TSPEAR: variants seen among roughly 807,000 people sequenced by gnomAD.
TSPEAR encodes the protein thrombospondin-type laminin G domain and EAR repeat-containing protein.
Under a neutral mutation model 71.6 loss-of-function variants are expected in TSPEAR, and 69 were observed. The observed-to-expected ratio is 0.96, with a 90% CI of 0.79 to 1.18. TSPEAR has a LOEUF of 1.18. Ranked by LOEUF, TSPEAR falls within the 50% of genes most tolerant of loss-of-function variation. The pLI, the probability that TSPEAR is intolerant of heterozygous loss-of-function variation, is 0.00. For missense variants in TSPEAR, 971 were observed against 894.9 expected, an observed-to-expected ratio of 1.09 and a Z score of -1.09; for synonymous variants, 402 against 387.2, an observed-to-expected ratio of 1.04 and a Z score of -0.45.
chr21:44,625,646 C>A (rs60859607), intron 1 of TSPEAR, among the ~76,000 whole-genome samples: 12 of 152,106 alleles, frequency 7.9e-5, no homozygotes, highest in African/African-American at 2.9e-4. Context: ...CCGCGGGGAG[C>A]GGCATGGCCT....
At chr21:44,508,379 C>T (rs370757449) in intron 10 of TSPEAR, 10 of 658,000 alleles carry the variant, frequency 1.5e-5, no homozygotes, top group East Asian at 1.1e-4. Context: ...GAATTGTTAC[C>T]GAATGAAATA....
intron 2 of TSPEAR, among the ~76,000 whole-genome samples, chr21:44,561,940 T>C (rs2053640274): frequency 1.3e-5 from 2 of 152,188 alleles, no homozygotes; most frequent in Non-Finnish European, 2.9e-5. Flanking sequence ...ATACCCTCTC[T>C]CATCACTCCT....
chr21:44,551,539 T>A (rs1400831901), intron 2 of TSPEAR: 4 of 1,528,590 alleles, frequency 2.6e-6, no homozygotes, highest in East Asian at 4.5e-5. Context: ...AGTGTGTGTG[T>A]GAGCCTGTTG....
At chr21:44,576,311 G>T (rs1251276791) in intron 1 of TSPEAR, among the ~76,000 whole-genome samples, 1 of 146,606 alleles carries the variant, frequency 6.8e-6, no homozygotes, top group South Asian at 2.1e-4. Flanking sequence ...GGGTGGGTGA[G>T]GGGGCATAAC....
chr21:44,685,575 G>A (rs1326540548), intron 1 of TSPEAR, among the ~76,000 whole-genome samples: 6 of 152,126 alleles, frequency 3.9e-5, no homozygotes, highest in Non-Finnish European at 5.9e-5. Flanking sequence ...TGCTACTCGT[G>A]GGAAGTGGGC....
intron 1 of TSPEAR, chr21:44,657,812 C>T (rs1394705862): frequency 2.3e-5 from 15 of 660,626 alleles, no homozygotes; most frequent in Non-Finnish European, 2.9e-5. Flanking sequence ...GGAAAGTACA[C>T]GCGGGAAAAT....
At chr21:44,654,257 G>A in intron 1 of TSPEAR, 2 of 1,600,144 alleles carry the variant, frequency 1.2e-6, no homozygotes, top group Non-Finnish European at 1.7e-6. Flanking sequence ...ACCTACGAGG[G>A]TCATAGGAGG....
chr21:44,688,349 T>C (rs1311899964), intron 1 of TSPEAR, among the ~76,000 whole-genome samples: 3 of 152,124 alleles, frequency 2.0e-5, no homozygotes, highest in African/African-American at 7.2e-5. Context: ...CAGCCCACCA[T>C]TCCCATCTCC....
chr21:44,518,510 C>G, intron 9 of TSPEAR: 1 of 397,112 alleles, frequency 2.5e-6, no homozygotes, highest in South Asian at 1.9e-5. Context: ...CTCTTGTCAC[C>G]TCACTTTGTG....
intron 1 of TSPEAR, chr21:44,675,877 C>G: frequency 1.4e-6 from 1 of 707,732 alleles, no homozygotes; most frequent in Non-Finnish European, 2.6e-6. Context: ...CTTACTCTGG[C>G]TGTACTTGAG....
At chr21:44,576,010 G>T (rs587637466) in intron 1 of TSPEAR, among the ~76,000 whole-genome samples, 1 of 152,212 alleles carries the variant, frequency 6.6e-6, no homozygotes, top group Non-Finnish European at 1.5e-5. Context: ...ATGGTCTGAG[G>T]AGTTTTGGGC....
At chr21:44,649,626 G>T (rs1601529570) in intron 1 of TSPEAR, among the ~76,000 whole-genome samples, 1 of 152,186 alleles carries the variant, frequency 6.6e-6, no homozygotes, top group Admixed American at 6.5e-5. Context: ...GGTTTTGGGG[G>T]CCAAGCTTCC....
chr21:44,672,309 G>A (rs1467079495), intron 1 of TSPEAR, among the ~76,000 whole-genome samples: 2 of 152,222 alleles, frequency 1.3e-5, no homozygotes, highest in African/African-American at 2.4e-5. Flanking sequence ...AGTGGCTCAC[G>A]CCTGTAATCC....
rs1555931244 is a variant in TSPEAR at position 44,612,308 on chromosome 21, C to T, written c.83-44303G>A. The T allele has an allele frequency of 6.2e-7, 1 of 1,613,524 alleles. No homozygotes were observed. The highest frequency in any genetic ancestry group is 1.3e-5 in the African/African-American group (1 of 74,918). On this transcript the variant is annotated intron_variant, in intron 1 of 11. Transcript: ENST00000323084. The surrounding 1 kb of genome is among the most constrained non-coding windows in gnomAD (Gnocchi z 4.1). ...TACCCCTAGCTGCTGTGCCCCAGCC[C>T]CCTGCCTGGCCCTGGTCTGTGCCCC...
At position 44,506,285 on chromosome 21, in the gene TSPEAR, G is replaced by C. The variant is rs1188040914; in HGVS notation, c.1755-1404C>G. ...TTTCCTCCCCAGGAGCCCACCTGCC[G>C]AGCTGTCAGCGTCAGCCCCACATCT... On this transcript the variant is annotated intron_variant, in intron 10 of 11. Transcript: ENST00000323084. The surrounding 1 kb of genome is among the most constrained non-coding windows in gnomAD (Gnocchi z 4.2). Among the ~76,000 whole-genome samples the C allele has an allele frequency of 4.6e-5, 7 of 152,232 alleles. No homozygotes were observed. The highest frequency in any genetic ancestry group is 1.7e-4 in the African/African-American group (7 of 41,456).
chr21:44,586,374 C>A lies in TSPEAR; in HGVS notation c.83-18369G>T, dbSNP rs369886486. Among the ~76,000 whole-genome samples the A allele has an allele frequency of 2.5e-4, 38 of 152,250 alleles. No homozygotes were observed. The South Asian group carries it at 7.3e-3, about 29-fold the overall frequency. ...GGCATGCCTGTTTTCTATCACTGTT[C>A]TGGTACCACTCATTTTTATTTGGAT... On this transcript the variant is annotated intron_variant, in intron 1 of 11. Coordinates refer to ENST00000323084, the MANE Select transcript of TSPEAR (RefSeq NM_144991.3).
intron 1 of TSPEAR, chr21:44,601,760 C>A: frequency 1.3e-6 from 2 of 1,589,772 alleles, no homozygotes; most frequent in Non-Finnish European, 8.6e-7. Flanking sequence ...TCATCCAAAG[C>A]CTGAGTGCTC....
chr21:44,563,594 A>G (rs1018976398), intron 2 of TSPEAR, among the ~76,000 whole-genome samples: 10 of 152,054 alleles, frequency 6.6e-5, no homozygotes, highest in Non-Finnish European at 1.3e-4. Context: ...GTGACAAAAA[A>G]AACCCATAAA....
At chr21:44,516,456 C>T (rs964989808) in intron 9 of TSPEAR, 1 of 152,446 alleles carries the variant, frequency 6.6e-6, no homozygotes, top group African/African-American at 2.4e-5. Context: ...CCTCTTCACC[C>T]ACGGTGTAGG....
Sources: allele counts gnomAD v4.1 joint callset (sites outside exome capture counted in the v4.1 genomes callset), GRCh38; gene constraint gnomAD v4.1.1; non-coding constraint Gnocchi (gnomAD v3.1); transcripts MANE v1.5; gene names NCBI Gene and HGNC (gene_info 2026-07-23, HGNC 2026-07-21).